Variants in ZNF682 observed in about 807,000 individuals in gnomAD.
The protein encoded by ZNF682 is zinc finger protein 682.
In ZNF682, 29 loss-of-function variants were observed where a neutral mutation model predicts 36.5. The ratio of observed to expected loss-of-function variants is 0.80; its 90% CI spans 0.59 to 1.08. ZNF682 has a LOEUF of 1.08. ZNF682 is among the 50% of genes least tolerant of loss of function. The pLI is 0.00. For synonymous variants in ZNF682, 180 were observed against 197.0 expected (o/e 0.91, Z 0.72); for missense variants, 561 against 579.7 (o/e 0.97, Z 0.33).
chr19:20,001,031 C>T (rs527802032), downstream of ZNF682, among the ~76,000 whole-genome samples: 19 of 152,340 alleles, frequency 1.2e-4, no homozygotes, highest in African/African-American at 3.6e-4. Context: ...TGACCTCTGT[C>T]CTAGGGCCTT....
intron 1 of ZNF682, among the ~76,000 whole-genome samples, chr19:20,030,506 A>C (rs1325291849): frequency 1.3e-5 from 2 of 152,184 alleles, no homozygotes; most frequent in African/African-American, 2.4e-5. Context: ...CGGTAGGCGA[A>C]GGTTGCAGTG....
At chr19:20,039,224 A>T in intron 1 of ZNF682, 119 bp downstream of exon 1, 1 of 1,495,402 alleles carries the variant, frequency 6.7e-7, no homozygotes, top group East Asian at 2.4e-5. Flanking sequence ...CCTGCCGGGG[A>T]CTCCAGTCCG....
At position 20,006,474 on chromosome 19, in the gene ZNF682, C is replaced by T. The variant is rs1253829221; in HGVS notation, c.1028G>A (p.Cys343Tyr). 1 of 1,614,064 alleles carries T rather than the reference C, an allele frequency of 6.2e-7. No individual in the cohort carries two copies. The highest frequency in any genetic ancestry group is 8.5e-7 in the Non-Finnish European group (1 of 1,179,996). ...RTHTGEKPYK[C>Y]EECGKAFNSS... is the part of the protein sequence containing the mutation. ...GTTAAAAGCTTTGCCACATTCTTCA[C>T]ATTTATAGGGTTTCTCTCCCGTATG... Residue 343 changes from cysteine (C) to tyrosine (Y), a missense_variant, in exon 4 of 4, where the codon TGT becomes TAT. Cys to Tyr is a radical substitution (Grantham distance 194). Transcript: ENST00000397165.
chr19:20,035,307 C>A (rs951162437), intron 1 of ZNF682, among the ~76,000 whole-genome samples: 1 of 151,998 alleles, frequency 6.6e-6, no homozygotes, highest in Non-Finnish European at 1.5e-5. Flanking sequence ...CTTACTGCAA[C>A]CTCTGTCTTC....
chr19:19,999,787 G>A (rs371537946), downstream of ZNF682, among the ~76,000 whole-genome samples: 10 of 152,204 alleles, frequency 6.6e-5, no homozygotes, highest in East Asian at 1.4e-3. Flanking sequence ...CGCCTGCCTC[G>A]GCCTCCCAAT....
chr19:20,024,992 A>T (rs1161168330), intron 1 of ZNF682, among the ~76,000 whole-genome samples: 1 of 152,244 alleles, frequency 6.6e-6, no homozygotes, highest in Non-Finnish European at 1.5e-5. Flanking sequence ...GTTAGAAGGT[A>T]TCTGTCAAAT....
chr19:20,015,624 T>A (rs1005178629), intron 3 of ZNF682: 1 of 395,142 alleles, frequency 2.5e-6, no homozygotes, highest in South Asian at 1.4e-4. Context: ...TCTAGATAGC[T>A]ACAATTTTCA....
chr19:20,039,428 G>A lies in ZNF682; in HGVS notation c.-83C>T. 1 of 1,583,586 alleles carries A rather than the reference G, an allele frequency of 6.3e-7. No homozygotes were observed. The highest frequency in any genetic ancestry group is 8.6e-7 in the Non-Finnish European group (1 of 1,162,112). On this transcript the variant is annotated 5_prime_UTR_variant, in exon 1 of 4. Transcript: ENST00000397165. ...TCAGAGGGCAACAGAGGCTGCGACA[G>A]TCACCGGGAACTACTAGAGCAGAGG...
At chr19:20,032,444 T>C (rs992770405) in intron 1 of ZNF682, among the ~76,000 whole-genome samples, 1 of 152,220 alleles carries the variant, frequency 6.6e-6, no homozygotes, top group African/African-American at 2.4e-5. Flanking sequence ...CTGACTGCTC[T>C]ACAAGGGACT....
rs1599622231 is a variant in ZNF682, at chr19:20,039,503, G to C, written c.-158C>G. ...TGAGCTCTGGCTGGAGCGAGACAAA[G>C]GCCCCGCCAGCTCCAGGACACCGCC... is the stretch of plus-strand genomic sequence containing the variant. On this transcript the variant is annotated 5_prime_UTR_variant, in exon 1 of 4. Coordinates refer to ENST00000397165, the MANE Select transcript of ZNF682 (RefSeq NM_033196.3). 2.1e-6 allele frequency: 2 copies of C among 968,148 alleles called. No homozygotes were observed. The highest frequency in any genetic ancestry group is 3.0e-6 in the Non-Finnish European group (2 of 671,670). 60.0% of individuals were successfully genotyped at this position (968,148 alleles called of 1,614,324 possible).
chr19:20,002,185 C>T (rs986846849), downstream of ZNF682, among the ~76,000 whole-genome samples: 4 of 151,858 alleles, frequency 2.6e-5, no homozygotes, highest in East Asian at 1.9e-4. Context: ...CAGGTTCAAG[C>T]GATTCCCCTG....
chr19:20,022,664 T>A (rs10418572), intron 3 of ZNF682, among the ~76,000 whole-genome samples: 115,071 of 147,838 alleles, frequency 0.78, 44,738 homozygotes, highest in Middle Eastern at 0.87. Context: ...ACTCTCTCTC[T>A]CAAAAAAAAG....
intron 1 of ZNF682, among the ~76,000 whole-genome samples, chr19:20,032,913 A>C (rs1313634801): frequency 6.6e-6 from 1 of 152,200 alleles, no homozygotes; most frequent in East Asian, 1.9e-4. Flanking sequence ...GACAGGAGGT[A>C]GTTTTGCAAC....
downstream of ZNF682, among the ~76,000 whole-genome samples, chr19:20,003,500 C>T (rs965224419): frequency 2.6e-5 from 4 of 151,582 alleles, no homozygotes; most frequent in East Asian, 3.9e-4. Flanking sequence ...GTCAGGAGAT[C>T]GAGACCATCC....
chr19:20,007,208 C>A lies in ZNF682; in HGVS notation c.294G>T (p.Val98=). The change falls in exon 4 of 4, where the codon GTG becomes GTT. Residue 98 remains valine, a synonymous_variant. Coordinates refer to ENST00000397165, the MANE Select transcript of ZNF682 (RefSeq NM_033196.3). ...EQCMQDSFQK[V]ILRRYGSCGL... ...CACAGCTTCCATATCTTCTCAGTATCACTTTTTGGAATGAATCTTGCATGC... is the reference window on the plus strand; with the variant it reads ...CACAGCTTCCATATCTTCTCAGTATAACTTTTTGGAATGAATCTTGCATGC... 1 of 1,613,672 alleles carries A rather than the reference C, an allele frequency of 6.2e-7. No homozygotes were observed. The highest frequency in any genetic ancestry group is 8.5e-7 in the Non-Finnish European group (1 of 1,179,986).
At chr19:20,015,382 CAT>C (rs1462515229) in intron 3 of ZNF682, 2 of 984,620 alleles carry the variant, frequency 2.0e-6, no homozygotes, top group East Asian at 2.3e-4. Context: ...TGGTAATAAA[CAT>C]ATGGCTGATT....
intron 3 of ZNF682, among the ~76,000 whole-genome samples, chr19:20,019,841 C>T (rs1162315415): frequency 2.6e-5 from 4 of 151,916 alleles, no homozygotes; most frequent in African/African-American, 9.7e-5. Context: ...GATGTATACC[C>T]TAAAAGCACT....
intron 3 of ZNF682, among the ~76,000 whole-genome samples, chr19:20,012,395 G>C (rs1273327553): frequency 6.6e-6 from 1 of 152,048 alleles, no homozygotes; most frequent in Non-Finnish European, 1.5e-5. Flanking sequence ...ACTATCAATA[G>C]ACTAAACAGA....
chr19:20,011,374 C>T (rs1029750275), intron 3 of ZNF682, among the ~76,000 whole-genome samples: 7 of 152,150 alleles, frequency 4.6e-5, no homozygotes, highest in Non-Finnish European at 7.4e-5. Context: ...ACAATAATAG[C>T]GGAAGACAAC....
Sources: gnomAD v4.1 joint callset for allele counts (sites outside exome capture counted in the v4.1 genomes callset) on GRCh38, gnomAD v4.1.1 for gene constraint, MANE v1.5 for transcripts, NCBI Gene and HGNC (gene_info 2026-07-23, HGNC 2026-07-21) for gene names.